MAPK4: variants seen among roughly 807,000 people sequenced by gnomAD.
The protein encoded by MAPK4 is mitogen-activated protein kinase 4.
In MAPK4, 22 loss-of-function variants were observed where a neutral mutation model predicts 47.7. The ratio of observed to expected loss-of-function variants is 0.46; its 90% CI spans 0.33 to 0.66. The LOEUF (loss-of-function observed/expected upper bound fraction) is 0.66. Among genes scored for constraint, MAPK4 ranks in the 30% least tolerant of loss-of-function variants. The pLI is 0.02. For missense variants in MAPK4, 736 were observed against 831.7 expected, an observed-to-expected ratio of 0.88 and a Z score of 1.42; for synonymous variants, 390 against 365.7, an observed-to-expected ratio of 1.07 and a Z score of -0.76.
At chr18:50,579,715 C>T (rs1353402268) in intron 1 of MAPK4, among the ~76,000 whole-genome samples, 2 of 152,170 alleles carry the variant, frequency 1.3e-5, no homozygotes, top group Admixed American at 1.3e-4. Flanking sequence ...CAGGTACCCT[C>T]AGGATGGTGC....
chr18:50,613,450 C>T (rs1361339313), intron 1 of MAPK4, among the ~76,000 whole-genome samples: 2 of 152,180 alleles, frequency 1.3e-5, no homozygotes, highest in Non-Finnish European at 2.9e-5. Flanking sequence ...TTGGATTCTT[C>T]CCCAGGCAAG....
At chr18:50,611,401 G>A (rs2042632108) in intron 1 of MAPK4, among the ~76,000 whole-genome samples, 1 of 152,186 alleles carries the variant, frequency 6.6e-6, no homozygotes. Flanking sequence ...AAAAATTAAG[G>A]TGGAGATATC....
At chr18:50,692,528 C>T (rs749203128) in intron 2 of MAPK4, among the ~76,000 whole-genome samples, 1 of 152,126 alleles carries the variant, frequency 6.6e-6, no homozygotes, top group South Asian at 2.1e-4. Flanking sequence ...GCTCAGTTTT[C>T]TGACCTATAA....
At chr18:50,634,484 G>A (rs934578224) in intron 1 of MAPK4, among the ~76,000 whole-genome samples, 2 of 152,084 alleles carry the variant, frequency 1.3e-5, no homozygotes, top group African/African-American at 2.4e-5. Flanking sequence ...ATCCCTTGGC[G>A]TTTATTTTGT....
chr18:50,719,872 A>G (rs1254808843), intron 3 of MAPK4, among the ~76,000 whole-genome samples: 1 of 152,192 alleles, frequency 6.6e-6, no homozygotes, highest in African/African-American at 2.4e-5. Flanking sequence ...GAAGTGTCCA[A>G]CGAAGAAAGG....
At chr18:50,650,011 A>G (rs2043031651) in intron 1 of MAPK4, among the ~76,000 whole-genome samples, 1 of 152,150 alleles carries the variant, frequency 6.6e-6, no homozygotes, top group Admixed American at 6.5e-5. Flanking sequence ...CCAGTGAAAT[A>G]ACTACACTGT....
chr18:50,611,671 A>G (rs1197037078), intron 1 of MAPK4, among the ~76,000 whole-genome samples: 1 of 152,216 alleles, frequency 6.6e-6, no homozygotes, highest in Non-Finnish European at 1.5e-5. Flanking sequence ...GAGTCATTTA[A>G]TGACGTAGCG....
chr18:50,651,087 G>C (rs959385838), intron 1 of MAPK4, among the ~76,000 whole-genome samples: 29 of 152,350 alleles, frequency 1.9e-4, no homozygotes, highest in Admixed American at 1.5e-3. Flanking sequence ...ATGCCTGAAG[G>C]CTGGATGGTC....
intron 1 of MAPK4, among the ~76,000 whole-genome samples, chr18:50,656,366 A>G (rs911136676): frequency 6.6e-6 from 1 of 152,054 alleles, no homozygotes; most frequent in East Asian, 1.9e-4. Flanking sequence ...TTCCAAGCTC[A>G]CTCACACGGT....
intron 1 of MAPK4, among the ~76,000 whole-genome samples, chr18:50,583,646 G>A (rs2042365305): frequency 6.6e-6 from 1 of 152,158 alleles, no homozygotes; most frequent in Non-Finnish European, 1.5e-5. Context: ...GGTAAGATGG[G>A]GATAGAAGTT....
At chr18:50,707,525 C>T (rs1166107355) in intron 2 of MAPK4, among the ~76,000 whole-genome samples, 2 of 141,672 alleles carry the variant, frequency 1.4e-5, no homozygotes, top group African/African-American at 5.3e-5. Context: ...GAGTCATGAT[C>T]GTGCCACTGC....
chr18:50,728,884 G>A (rs1207045741), intron 5 of MAPK4, among the ~76,000 whole-genome samples: 4 of 152,248 alleles, frequency 2.6e-5, no homozygotes, highest in East Asian at 1.9e-4. Context: ...ATTCAGTAAT[G>A]TCTGGAACAG....
intron 2 of MAPK4, among the ~76,000 whole-genome samples, chr18:50,683,453 G>GGGGTGTGT (rs74176773): frequency 7.7e-5 from 11 of 142,256 alleles, no homozygotes; most frequent in African/African-American, 2.9e-4. Flanking sequence ...TTGGTGATGG[G>GGGGTGTGT]GTGTGTGTGT....
intron 2 of MAPK4, among the ~76,000 whole-genome samples, chr18:50,672,442 C>T (rs1052541811): frequency 6.6e-6 from 1 of 152,204 alleles, no homozygotes; most frequent in African/African-American, 2.4e-5. Flanking sequence ...GGAGGCTGTA[C>T]TTGAGAGTCA....
chr18:50,711,012 G>A (rs1378044825), intron 2 of MAPK4, among the ~76,000 whole-genome samples: 2 of 152,108 alleles, frequency 1.3e-5, no homozygotes, highest in African/African-American at 4.8e-5. Flanking sequence ...CACCCAGCAC[G>A]GGCTTGCTGG....
chr18:50,636,738 C>T (rs1009869825), intron 1 of MAPK4, among the ~76,000 whole-genome samples: 24 of 152,208 alleles, frequency 1.6e-4, no homozygotes, highest in Non-Finnish European at 2.9e-4. Context: ...TTAGGGTCTT[C>T]GTGTACATCC....
At chr18:50,648,892 A>G (rs2043018003) in intron 1 of MAPK4, among the ~76,000 whole-genome samples, 1 of 152,128 alleles carries the variant, frequency 6.6e-6, no homozygotes, top group South Asian at 2.1e-4. Context: ...ATTGCTGACA[A>G]CTCAAAGGAA....
rs2042947762 is a variant in MAPK4, at chr18:50,642,309, T to C, written c.-870-20780T>C. Among the ~76,000 whole-genome samples, 5 of 152,344 alleles carry C rather than the reference T, an allele frequency of 3.3e-5. No individual in the cohort carries two copies. In the South Asian group the frequency reaches 1.0e-3, roughly 32 times the overall value. On this transcript the variant is annotated intron_variant, in intron 1 of 5. Coordinates refer to ENST00000400384, the MANE Select transcript of MAPK4 (RefSeq NM_002747.4). ...GAAGATTGGGAAGTCCAGCCCATGC[T>C]CCAGAGCTGAAGAATTCCACCCCAG...
chr18:50,596,645 T>A (rs1034972259), intron 1 of MAPK4, among the ~76,000 whole-genome samples: 5 of 152,216 alleles, frequency 3.3e-5, no homozygotes, highest in Admixed American at 3.3e-4. Flanking sequence ...ATAAGGTGCA[T>A]GATGCTATTC....
Sources: gnomAD v4.1 joint callset for allele counts (sites outside exome capture counted in the v4.1 genomes callset) on GRCh38, gnomAD v4.1.1 for gene constraint, MANE v1.5 for transcripts, NCBI Gene and HGNC (gene_info 2026-07-23, HGNC 2026-07-21) for gene names.